The following ARSG variants were observed in gnomAD, a reference collection of about 807,000 sequenced individuals.
The protein encoded by ARSG is ASG.
ARSG carries 37 observed loss-of-function variants against 50.5 expected under a neutral mutation model. The observed-to-expected ratio is 0.73, with a 90% CI of 0.56 to 0.96. The LOEUF is 0.96. Among genes scored for constraint, ARSG ranks in the 50% least tolerant of loss-of-function variants. The probability of loss-of-function intolerance (pLI) is 0.00; values close to 1 mark genes in which losing one functional copy is unlikely to be tolerated. For missense variants in ARSG, 629 were observed against 675.3 expected (o/e 0.93, Z 0.76); for synonymous variants, 225 against 254.6 (o/e 0.88, Z 1.11).
At chr17:68,280,864 G>A (rs191253639) in intron 1 of ARSG, among the ~76,000 whole-genome samples, 4 of 152,236 alleles carry the variant, frequency 2.6e-5, no homozygotes, top group East Asian at 1.9e-4. Flanking sequence ...AGTGTGTCAC[G>A]CTATAATCCC....
At chr17:68,363,837 C>A (rs951883252) in intron 6 of ARSG, among the ~76,000 whole-genome samples, 4 of 152,264 alleles carry the variant, frequency 2.6e-5, no homozygotes, top group Non-Finnish European at 4.4e-5. Flanking sequence ...TCTGTGATGC[C>A]AGGGTCTAGT....
At chr17:68,382,288 T>C (rs2080474245) in intron 8 of ARSG, among the ~76,000 whole-genome samples, 1 of 152,158 alleles carries the variant, frequency 6.6e-6, no homozygotes, top group Non-Finnish European at 1.5e-5. Context: ...GCAAATTACT[T>C]AGCCTCTCTG....
At position 68,379,421 on chromosome 17, in the gene ARSG, A is replaced by ATTTTTTTTTTT. The variant is rs375841879; in HGVS notation, c.983-5624_983-5614dup. ...GTGCCACCATGCCTGGAACACTACAATTTTTTTTTTTTTTTTTTTTTTTTT... is the reference window on the plus strand; with the variant it reads ...GTGCCACCATGCCTGGAACACTACAATTTTTTTTTTTTTTTTTTTTTTTTTTTTTTTTTTTT... On this transcript the variant is annotated intron_variant, in intron 8 of 11. Coordinates refer to ENST00000621439, the MANE Select transcript of ARSG (RefSeq NM_001267727.2). Among the ~76,000 whole-genome samples, 92 of 72,266 alleles carry ATTTTTTTTTTT rather than the reference A, an allele frequency of 1.3e-3. 4 individuals are homozygous for ATTTTTTTTTTT. Among genetic ancestry groups the ATTTTTTTTTTT allele is most frequent in the African/African-American group, 5.6e-3 (88 of 15,828 alleles). 47.4% of individuals were successfully genotyped at this position (72,266 alleles called of 152,430 possible). A position where few individuals can be genotyped will look rare whatever the true frequency, so the allele number is the denominator to read the frequency against.
intron 1 of ARSG, among the ~76,000 whole-genome samples, chr17:68,300,317 C>G (rs145501798): frequency 6.6e-6 from 1 of 152,116 alleles, no homozygotes; most frequent in Non-Finnish European, 1.5e-5. Flanking sequence ...GAGAGCCAGC[C>G]TGACCATGTG....
intron 1 of ARSG, among the ~76,000 whole-genome samples, chr17:68,272,232 T>C (rs1317021360): frequency 6.7e-6 from 1 of 149,990 alleles, no homozygotes; most frequent in Non-Finnish European, 1.5e-5. Flanking sequence ...GCCACCGTGC[T>C]CAGTTACAGA....
chr17:68,297,987 T>C (rs1392096283), intron 1 of ARSG, among the ~76,000 whole-genome samples: 10 of 150,492 alleles, frequency 6.6e-5, no homozygotes, highest in African/African-American at 2.2e-4. Flanking sequence ...TTTTTTTTTT[T>C]CCCCTGATAT....
chr17:68,294,004 C>A (rs1555757264), intron 1 of ARSG, among the ~76,000 whole-genome samples: 20 of 152,174 alleles, frequency 1.3e-4, no homozygotes, highest in Non-Finnish European at 4.4e-5. Flanking sequence ...CTAATCAACG[C>A]CCCCTTGCCC....
rs553100680 is a variant in ARSG, at chr17:68,307,115, C to G, written c.-379C>G. ...AAGGCCTGTGCTGTGGCTCTGAGGC[C>G]CTGAATACAGAAGGGTCACTTTCTT... is the stretch of plus-strand genomic sequence containing the variant. On this transcript the variant is annotated 5_prime_UTR_variant, in exon 2 of 12. Transcript: ENST00000621439. 5.0e-5 allele frequency: 10 copies of G among 200,848 alleles called. No individual in the cohort carries two copies. The highest frequency in any genetic ancestry group is 5.1e-5 in the Non-Finnish European group (5 of 98,604). The allele number at this position is 200,848 out of a possible 1,614,324, so 12.4% of individuals were successfully genotyped here. A position where few individuals can be genotyped will look rare whatever the true frequency, so the allele number is the denominator to read the frequency against.
At chr17:68,421,736 T>C (rs1463185345), downstream of ARSG, 11 of 1,613,856 alleles carry the variant, frequency 6.8e-6, no homozygotes, top group Admixed American at 8.3e-5. Context: ...AACCACCTGA[T>C]AGGGGGGATG....
intron 1 of ARSG, among the ~76,000 whole-genome samples, chr17:68,275,622 A>G (rs1022020230): frequency 2.0e-5 from 3 of 152,204 alleles, no homozygotes; most frequent in Non-Finnish European, 4.4e-5. Flanking sequence ...ACCAAATGTA[A>G]CATTTTAGTC....
chr17:68,337,514 A>AAGG (rs2078076250), intron 2 of ARSG, among the ~76,000 whole-genome samples: 1 of 152,120 alleles, frequency 6.6e-6, no homozygotes, highest in Non-Finnish European at 1.5e-5. Flanking sequence ...CTGGAAGGCG[A>AAGG]AGGAGGAAGG....
intron 2 of ARSG, among the ~76,000 whole-genome samples, chr17:68,327,918 T>C (rs943507494): frequency 6.6e-5 from 10 of 152,048 alleles, no homozygotes; most frequent in East Asian, 3.9e-4. Context: ...GGTGGCGTCA[T>C]TGGGAATGAG....
intron 1 of ARSG, among the ~76,000 whole-genome samples, chr17:68,278,923 T>G (rs984806532): frequency 3.9e-5 from 6 of 152,152 alleles, no homozygotes; most frequent in African/African-American, 1.2e-4. Context: ...CCCAGCTGAT[T>G]GTTGAATATT....
intron 4 of ARSG, among the ~76,000 whole-genome samples, chr17:68,349,458 G>T (rs938150977): frequency 6.6e-6 from 1 of 152,194 alleles, no homozygotes; most frequent in African/African-American, 2.4e-5. Flanking sequence ...TCCGGCAGAA[G>T]TTTGCTCTCC....
chr17:68,438,237 C>T, the ARSG span, among the ~76,000 whole-genome samples: 14 of 142,496 alleles, frequency 9.8e-5, no homozygotes, highest in African/African-American at 3.0e-4. Context: ...TTTAACTGCA[C>T]GTTCTGGCAG....
chr17:68,395,673 T>C (rs914433823), intron 10 of ARSG, among the ~76,000 whole-genome samples: 1 of 152,222 alleles, frequency 6.6e-6, no homozygotes, highest in Admixed American at 6.5e-5. Context: ...TAATGGGCAA[T>C]TTCTTTTCCT....
intron 11 of ARSG, among the ~76,000 whole-genome samples, chr17:68,411,641 C>T (rs1301990749): frequency 0.014 from 2,021 of 145,874 alleles, 59 homozygotes; most frequent in African/African-American, 0.051. Context: ...CTGTTAGGTC[C>T]GCTTGGTGCA....
chr17:68,432,698 G>A, the ARSG span, among the ~76,000 whole-genome samples: 28 of 152,178 alleles, frequency 1.8e-4, no homozygotes, highest in African/African-American at 6.5e-4. Context: ...TCCATCCAAG[G>A]GTACCAGCAA....
chr17:68,414,370 G>C (rs372045047), intron 11 of ARSG, among the ~76,000 whole-genome samples: 1 of 152,136 alleles, frequency 6.6e-6, no homozygotes, highest in Admixed American at 6.5e-5. Flanking sequence ...TGCATCCCTG[G>C]TATGAAACCC....
Sources: gnomAD v4.1 joint callset for allele counts (sites outside exome capture counted in the v4.1 genomes callset) on GRCh38, gnomAD v4.1.1 for gene constraint, MANE v1.5 for transcripts, NCBI Gene and HGNC (gene_info 2026-07-23, HGNC 2026-07-21) for gene names.